ABCC4: variants seen among roughly 807,000 people sequenced by gnomAD.
ABCC4 encodes the protein ATP binding cassette subfamily C member 4 (PEL blood group).
A neutral mutation model predicts 168.5 loss-of-function variants in ABCC4; 102 were observed. The observed-to-expected ratio is 0.61, with a 90% CI of 0.52 to 0.71. The LOEUF is 0.71. Among genes scored for constraint, ABCC4 ranks in the 30% least tolerant of loss-of-function variants. The pLI, the probability that ABCC4 is intolerant of heterozygous loss-of-function variation, is 0.00. For missense variants in ABCC4, 1,402 were observed against 1,605.8 expected, an observed-to-expected ratio of 0.87 and a Z score of 2.17; for synonymous variants, 617 against 590.7, an observed-to-expected ratio of 1.04 and a Z score of -0.65.
chr13:95,224,183 A>G (rs2039388170), intron 4 of ABCC4, among the ~76,000 whole-genome samples: 2 of 151,682 alleles, frequency 1.3e-5, no homozygotes, highest in Admixed American at 6.6e-5. Context: ...ATCAGTATCA[A>G]AGAGAAAAAA....
At chr13:95,202,968 G>C (rs916719528) in intron 8 of ABCC4, among the ~76,000 whole-genome samples, 3 of 151,984 alleles carry the variant, frequency 2.0e-5, no homozygotes, top group Non-Finnish European at 4.4e-5. Context: ...CCGCACTTCT[G>C]AGACAGATTG....
At chr13:95,229,615 G>C (rs2039561737) in intron 4 of ABCC4, among the ~76,000 whole-genome samples, 1 of 152,160 alleles carries the variant, frequency 6.6e-6, no homozygotes. Context: ...AGCTAATTAG[G>C]CCACAGATCT....
chr13:95,232,643 C>G (rs1426717734), intron 4 of ABCC4, among the ~76,000 whole-genome samples: 1 of 151,080 alleles, frequency 6.6e-6, no homozygotes, highest in African/African-American at 2.4e-5. Flanking sequence ...CACCACTACA[C>G]TCCAGCCTGG....
intron 30 of ABCC4, among the ~76,000 whole-genome samples, chr13:95,023,662 G>A (rs970241935): frequency 1.3e-5 from 2 of 152,186 alleles, no homozygotes; most frequent in Admixed American, 6.5e-5. Flanking sequence ...CTGCATTAGT[G>A]TTGGGTGTCA....
At chr13:95,121,587 T>C (rs1372943633) in intron 19 of ABCC4, among the ~76,000 whole-genome samples, 1 of 151,936 alleles carries the variant, frequency 6.6e-6, no homozygotes, top group Non-Finnish European at 1.5e-5. Flanking sequence ...TTAAATTTTT[T>C]TGTAGAGATG....
chr13:95,163,796 G>A, intron 16 of ABCC4, 149 bp from the exon 17 acceptor site: 2 of 654,602 alleles, frequency 3.1e-6, no homozygotes, highest in Admixed American at 2.7e-5. Context: ...ACTTTGGGAG[G>A]CTGAGGCAGG....
chr13:95,206,401 TG>T, intron 8 of ABCC4, 130 bp downstream of exon 8: 1 of 1,224,736 alleles, frequency 8.2e-7, no homozygotes, highest in South Asian at 1.4e-5. Flanking sequence ...CACAACATTC[TG>T]GAATGGCGGC....
At chr13:95,104,249 G>T (rs7317118) in intron 20 of ABCC4, among the ~76,000 whole-genome samples, 1 of 152,098 alleles carries the variant, frequency 6.6e-6, no homozygotes, top group Admixed American at 6.6e-5. Flanking sequence ...AAGTAGCTGG[G>T]ATTACAGGTG....
intron 8 of ABCC4, 91 bp downstream of exon 8, chr13:95,206,441 C>G: frequency 6.6e-7 from 1 of 1,521,946 alleles, no homozygotes; most frequent in Non-Finnish European, 8.9e-7. Flanking sequence ...AGTTAAATGT[C>G]ATTACACTGG....
chr13:95,248,180 C>T lies in ABCC4; in HGVS notation c.75-427G>A, dbSNP rs1165228786. 5.3e-5 allele frequency among the ~76,000 whole-genome samples: 8 copies of T among 152,150 alleles called. No homozygotes were observed. In the East Asian group the frequency reaches 5.8e-4, roughly 11 times the overall value. On this transcript the variant is annotated intron_variant, in intron 1 of 30. Transcript: ENST00000645237. ...CCAAAGAACAGAGGACCCAGCTTGA[C>T]GGGGTCCCACTAGACAAGTCTGTGA...
chr13:95,164,962 G>A (rs1384215576), intron 15 of ABCC4, among the ~76,000 whole-genome samples: 4 of 152,098 alleles, frequency 2.6e-5, no homozygotes, highest in African/African-American at 9.7e-5. Context: ...CTTCCAAAGC[G>A]CTGGGATTGC....
At chr13:95,157,935 G>C (rs2036929908) in intron 19 of ABCC4, among the ~76,000 whole-genome samples, 1 of 152,066 alleles carries the variant, frequency 6.6e-6, no homozygotes, top group African/African-American at 2.4e-5. Flanking sequence ...AGCCGGGCGT[G>C]GTGGTGGGTG....
chr13:95,245,830 A>T (rs1469154185), intron 3 of ABCC4, among the ~76,000 whole-genome samples: 1 of 151,290 alleles, frequency 6.6e-6, no homozygotes, highest in African/African-American at 2.4e-5. Flanking sequence ...CCACAACAAA[A>T]AGCATGTTCA....
intron 1 of ABCC4, among the ~76,000 whole-genome samples, chr13:95,268,837 T>C (rs2040759469): frequency 6.6e-6 from 1 of 152,182 alleles, no homozygotes; most frequent in Middle Eastern, 3.4e-3. Flanking sequence ...CAGAGACCGG[T>C]GCCTGGGGCG....
At chr13:95,023,455 T>G (rs1427997255) in intron 30 of ABCC4, among the ~76,000 whole-genome samples, 1 of 152,206 alleles carries the variant, frequency 6.6e-6, no homozygotes, top group Non-Finnish European at 1.5e-5. Flanking sequence ...ACTGAACTAC[T>G]TTTAGCAAAG....
intron 8 of ABCC4, among the ~76,000 whole-genome samples, chr13:95,201,502 C>T (rs1751026): frequency 0.12 from 18,934 of 152,200 alleles, 1,389 homozygotes; most frequent in African/African-American, 0.2. Flanking sequence ...ACTTACACAT[C>T]TTCTGAGCAC....
intron 1 of ABCC4, among the ~76,000 whole-genome samples, chr13:95,272,418 C>T (rs970282455): frequency 1.3e-5 from 2 of 152,062 alleles, no homozygotes; most frequent in Non-Finnish European, 2.9e-5. Context: ...TGTTCATTTG[C>T]CCTAAAAAAA....
intron 10 of ABCC4, among the ~76,000 whole-genome samples, chr13:95,187,673 A>C (rs1400127988): frequency 6.6e-6 from 1 of 152,218 alleles, no homozygotes; most frequent in Non-Finnish European, 1.5e-5. Flanking sequence ...AATCCTGTGC[A>C]CTAGGAAGGA....
chr13:95,150,323 T>G (rs1185491529), intron 19 of ABCC4, among the ~76,000 whole-genome samples: 1 of 152,196 alleles, frequency 6.6e-6, no homozygotes, highest in Non-Finnish European at 1.5e-5. Flanking sequence ...AGAACAAGTC[T>G]AAGACAGGCT....
Sources: gnomAD v4.1 joint callset for allele counts (sites outside exome capture counted in the v4.1 genomes callset) on GRCh38, gnomAD v4.1.1 for gene constraint, MANE v1.5 for transcripts, NCBI Gene and HGNC (gene_info 2026-07-23, HGNC 2026-07-21) for gene names.